The following ALOX5AP variants were observed in gnomAD, a reference collection of about 807,000 sequenced individuals.
ALOX5AP encodes the protein arachidonate 5-lipoxygenase activating protein, also known as arachidonate 5-lipoxygenase-activating protein.
A neutral mutation model predicts 18.5 loss-of-function variants in ALOX5AP; 9 were observed. The observed-to-expected ratio is 0.49, with a 90% confidence interval of 0.29 to 0.85. The LOEUF (loss-of-function observed/expected upper bound fraction) is 0.85. Ranked by LOEUF, ALOX5AP falls within the 40% of genes least tolerant of loss-of-function variation. The pLI, the probability that ALOX5AP is intolerant of heterozygous loss-of-function variation, is 0.08. For missense variants in ALOX5AP, 172 were observed against 202.5 expected (o/e 0.85, Z 0.91); for synonymous variants, 81 against 78.6 (o/e 1.03, Z -0.16).
At position 30,759,064 on chromosome 13, in the gene ALOX5AP, C is replaced by T. The variant is rs183138524; in HGVS notation, c.323+3039C>T. Among the ~76,000 whole-genome samples, 312 of 152,300 alleles carry T rather than the reference C, an allele frequency of 2.0e-3. 2 individuals carry two copies. Among genetic ancestry groups the T allele is most frequent in the African/African-American group, 7.0e-3 (291 of 41,562 alleles). On this transcript the variant is annotated intron_variant, in intron 4 of 4. Transcript: ENST00000380490. ...GAACTGCTGAACTCAAGCAATCTGCCATCCCCGGCCTCCCAAAGTACTGGG... is the reference window on the plus strand; with the variant it reads ...GAACTGCTGAACTCAAGCAATCTGCTATCCCCGGCCTCCCAAAGTACTGGG...
chr13:30,747,387 G>T (rs1470001119), intron 2 of ALOX5AP, among the ~76,000 whole-genome samples: 1 of 152,170 alleles, frequency 6.6e-6, no homozygotes, highest in Admixed American at 6.5e-5. Context: ...ATGTCAGGCT[G>T]GTCTTGAACT....
rs1443511668 is a variant in ALOX5AP at position 30,714,855 on chromosome 13, G to A, written c.116+1014G>A. Among the ~76,000 whole-genome samples, 3 of 152,296 alleles carry A rather than the reference G, an allele frequency of 2.0e-5. No individual in the cohort carries two copies. In the East Asian group the frequency reaches 5.8e-4, roughly 29 times the overall value. ...TGGGAAACTTAGGGCTTGCCACAGTGTTCATTTTCCTTTGCGGGCAACTCC... is the reference window on the plus strand; with the variant it reads ...TGGGAAACTTAGGGCTTGCCACAGTATTCATTTTCCTTTGCGGGCAACTCC... On this transcript the variant is annotated intron_variant, in intron 1 of 5. Coordinates refer to the ALOX5AP transcript ENST00000617770.
chr13:30,741,545 T>TCC (rs1221973382), intron 1 of ALOX5AP, among the ~76,000 whole-genome samples: 3 of 11,102 alleles, frequency 2.7e-4, no homozygotes, highest in African/African-American at 4.5e-4. Context: ...TACAGGCCCC[T>TCC]CCCCACCCCC....
At chr13:30,757,344 A>G (rs965913491) in intron 4 of ALOX5AP, among the ~76,000 whole-genome samples, 5 of 152,176 alleles carry the variant, frequency 3.3e-5, no homozygotes, top group Non-Finnish European at 7.3e-5. Flanking sequence ...TGCAGCTGGA[A>G]AAAGAATGAC....
At chr13:30,763,317 GAAAC>G (rs1388472754) in intron 4 of ALOX5AP, among the ~76,000 whole-genome samples, 2 of 152,068 alleles carry the variant, frequency 1.3e-5, no homozygotes, top group African/African-American at 2.4e-5. Context: ...CAAAAACAAA[GAAAC>G]AAACAACAAC....
intron 1 of ALOX5AP, among the ~76,000 whole-genome samples, chr13:30,743,485 G>A (rs1344879798): frequency 6.6e-6 from 1 of 151,942 alleles, no homozygotes; most frequent in African/African-American, 2.4e-5. Context: ...GGCCTTGTCT[G>A]TGGTTCTACC....
intron 1 of ALOX5AP, among the ~76,000 whole-genome samples, chr13:30,717,023 G>T (rs544721637): frequency 6.6e-6 from 1 of 152,252 alleles, no homozygotes; most frequent in Non-Finnish European, 1.5e-5. Flanking sequence ...CTTTACTGTG[G>T]CTCTGTCACA....
intron 1 of ALOX5AP, among the ~76,000 whole-genome samples, chr13:30,722,636 G>A (rs1272763479): frequency 1.3e-5 from 2 of 152,136 alleles, no homozygotes; most frequent in Non-Finnish European, 2.9e-5. Context: ...CCATAAAACT[G>A]TATCTGATAT....
upstream of ALOX5AP, among the ~76,000 whole-genome samples, chr13:30,730,837 C>T (rs545872306): frequency 6.6e-6 from 1 of 152,360 alleles, no homozygotes; most frequent in East Asian, 1.9e-4. Flanking sequence ...TGAGTCACTG[C>T]TTGGCCCCAG....
chr13:30,727,015 T>C (rs1050352523), intron 1 of ALOX5AP, among the ~76,000 whole-genome samples: 1 of 151,398 alleles, frequency 6.6e-6, no homozygotes, highest in African/African-American at 2.4e-5. Context: ...GCATTTTCTG[T>C]TGGATGAGAG....
At chr13:30,716,359 A>C (rs1951550178) in intron 1 of ALOX5AP, among the ~76,000 whole-genome samples, 1 of 152,230 alleles carries the variant, frequency 6.6e-6, no homozygotes, top group African/African-American at 2.4e-5. Flanking sequence ...CATGTAACAC[A>C]GTTTGGAAAC....
rs141855012 is a variant in ALOX5AP at position 30,726,304 on chromosome 13, T to C, written c.117-9247T>C. Among the ~76,000 whole-genome samples, 7 of 152,166 alleles carry C rather than the reference T, an allele frequency of 4.6e-5. No individual in the cohort carries two copies. The East Asian group carries it at 1.4e-3, about 29-fold the overall frequency. On this transcript the variant is annotated intron_variant, in intron 1 of 5. Coordinates refer to the ALOX5AP transcript ENST00000617770. ...TTGGACTGCCACTTCACAATGAGGG[T>C]GAGGAGTATGTACTCTATGTGTCTG...
intron 2 of ALOX5AP, among the ~76,000 whole-genome samples, chr13:30,745,788 G>A (rs186766905): frequency 6.6e-6 from 1 of 152,204 alleles, no homozygotes; most frequent in Non-Finnish European, 1.5e-5. Context: ...GTGCAAAGAA[G>A]GTGTCTTTGA....
upstream of ALOX5AP, among the ~76,000 whole-genome samples, chr13:30,734,168 T>C (rs1222358531): frequency 6.6e-6 from 1 of 152,226 alleles, no homozygotes; most frequent in Admixed American, 6.5e-5. Context: ...ATAAAGTCTA[T>C]ACTCTACAAA....
chr13:30,731,214 G>T (rs1212251549), upstream of ALOX5AP, among the ~76,000 whole-genome samples: 1 of 152,146 alleles, frequency 6.6e-6, no homozygotes, highest in Non-Finnish European at 1.5e-5. Flanking sequence ...CCTGTGAGGG[G>T]ATTGCCAGGT....
rs375697859 is a variant in ALOX5AP, at chr13:30,736,977, A to G, written c.70+1302A>G. ...CAGATAGTATTCTGGGTACAGGCGGATAGAGCAGGAAACAAAACAGCTACA... is the reference window on the plus strand; with the variant it reads ...CAGATAGTATTCTGGGTACAGGCGGGTAGAGCAGGAAACAAAACAGCTACA... On this transcript the variant is annotated intron_variant, in intron 1 of 4. Coordinates refer to ENST00000380490, the MANE Select transcript of ALOX5AP (RefSeq NM_001629.4). Among the ~76,000 whole-genome samples the G allele has an allele frequency of 2.6e-5, 4 of 152,184 alleles. No homozygotes were observed. In the South Asian group the frequency reaches 8.3e-4, roughly 32 times the overall value.
intron 1 of ALOX5AP, among the ~76,000 whole-genome samples, chr13:30,729,194 T>TA (rs955072957): frequency 1.2e-4 from 19 of 152,220 alleles, no homozygotes; most frequent in Non-Finnish European, 1.6e-4. Flanking sequence ...TTGTGTTATC[T>TA]AAAAAAAATT....
intron 1 of ALOX5AP, among the ~76,000 whole-genome samples, chr13:30,726,632 A>G (rs1382304468): frequency 6.6e-6 from 1 of 152,252 alleles, no homozygotes; most frequent in Non-Finnish European, 1.5e-5. Context: ...GAGGAAGGTA[A>G]TAGTGTTGAA....
At chr13:30,762,736 C>G (rs904076855) in intron 4 of ALOX5AP, among the ~76,000 whole-genome samples, 1 of 152,124 alleles carries the variant, frequency 6.6e-6, no homozygotes, top group African/African-American at 2.4e-5. Context: ...CTTGGCAGTA[C>G]GAAGTTAGCT....
Sources: allele counts gnomAD v4.1 joint callset (sites outside exome capture counted in the v4.1 genomes callset), GRCh38; gene constraint gnomAD v4.1.1; transcripts MANE v1.5; gene names NCBI Gene and HGNC (gene_info 2026-07-23, HGNC 2026-07-21).